Variants in ADAM17 observed in about 807,000 individuals in gnomAD.
ADAM17 encodes ADAM metallopeptidase domain 17.
Under a neutral mutation model 96.7 loss-of-function variants are expected in ADAM17, and 39 were observed. The observed-to-expected ratio is 0.40, with a 90% CI of 0.31 to 0.53. ADAM17 has a LOEUF of 0.53. ADAM17 is among the 20% of genes least tolerant of loss of function. The probability of loss-of-function intolerance (pLI) is 0.44; values close to 1 mark genes in which losing one functional copy is unlikely to be tolerated. For synonymous variants in ADAM17, 344 were observed against 359.2 expected (o/e 0.96, Z 0.48); for missense variants, 777 against 1,013.2 (o/e 0.77, Z 3.17).
intron 11 of ADAM17, chr2:9,505,662 T>G (rs1663344697): frequency 5.4e-6 from 2 of 370,616 alleles, no homozygotes; most frequent in South Asian, 5.0e-5. Context: ...AAAGCCCACT[T>G]AAGGACAAGC....
At position 9,502,161 on chromosome 2, in the gene ADAM17, A is replaced by G; in HGVS notation, c.1648+12T>C. 6.2e-7 allele frequency: 1 copy of G among 1,610,534 alleles called. No individual in the cohort carries two copies. The highest frequency in any genetic ancestry group is 2.2e-5 in the East Asian group (1 of 44,868). Reference sequence around the variant, plus strand: ...ACCCACAGCATTCCAAGGAAGCAACAAGAACACGAACCTGTGCAGTAGGAC... The same window carrying G: ...ACCCACAGCATTCCAAGGAAGCAACGAGAACACGAACCTGTGCAGTAGGAC... On this transcript the variant is annotated intron_variant, in intron 13 of 18. Coordinates refer to ENST00000310823, the MANE Select transcript of ADAM17 (RefSeq NM_003183.6).
Position 9,490,047 on chromosome 2 carries a change from A to C in ADAM17, c.*130T>G. On this transcript the variant is annotated 3_prime_UTR_variant, in exon 19 of 19. Coordinates refer to ENST00000310823, the MANE Select transcript of ADAM17 (RefSeq NM_003183.6). ...CACACAAGAACTGTTTACCTGCAGG[A>C]AGTTCAAACACATGACCAGCATCTG... The C allele has an allele frequency of 1.2e-6, 1 of 835,694 alleles. No homozygotes were observed. The highest frequency in any genetic ancestry group is 1.8e-6 in the Non-Finnish European group (1 of 554,020). The allele number at this position is 835,694 out of a possible 1,614,324, so 51.8% of individuals were successfully genotyped here.
intron 1 of ADAM17, among the ~76,000 whole-genome samples, chr2:9,551,483 G>A (rs1665588854): frequency 6.6e-6 from 1 of 152,070 alleles, no homozygotes; most frequent in Non-Finnish European, 1.5e-5. Flanking sequence ...ACTTTGAGAT[G>A]GAGTCTTGCT....
intron 10 of ADAM17, among the ~76,000 whole-genome samples, chr2:9,514,512 AATATAAATATATAT>A (rs1379397850): frequency 3.4e-5 from 3 of 89,240 alleles, no homozygotes; most frequent in Non-Finnish European, 6.4e-5. Context: ...TTAAATTTAA[AATATAAATATATAT>A]ATATATATAT....
chr2:9,554,896 C>G (rs1271523944), intron 1 of ADAM17, among the ~76,000 whole-genome samples: 1 of 152,110 alleles, frequency 6.6e-6, no homozygotes, highest in Non-Finnish European at 1.5e-5. Flanking sequence ...GTTGGCTTAC[C>G]AGGTTTCCGC....
rs998830305 is a variant in ADAM17, at chr2:9,538,433, C to T, written c.231-1605G>A. Among the ~76,000 whole-genome samples, 9 of 152,138 alleles carry T rather than the reference C, an allele frequency of 5.9e-5. No homozygotes were observed. The South Asian group carries it at 6.2e-4, about 10-fold the overall frequency. On this transcript the variant is annotated intron_variant, in intron 2 of 18. Transcript: ENST00000310823. ...TTTTTTAATGGTCAAAGGGAAAAGA[C>T]AATAGAACATTATTTCGTAAATCCT...
intron 1 of ADAM17, among the ~76,000 whole-genome samples, chr2:9,550,355 G>A (rs1665546281): frequency 6.6e-6 from 1 of 151,046 alleles, no homozygotes. Context: ...CAGGATGCAA[G>A]TTTCAGGTTA....
At chr2:9,529,467 T>C (rs1247844035) in intron 4 of ADAM17, among the ~76,000 whole-genome samples, 1 of 150,014 alleles carries the variant, frequency 6.7e-6, no homozygotes, top group Non-Finnish European at 1.5e-5. Flanking sequence ...ATAAAAAAAT[T>C]GAAGCCACAC....
rs150353059 is a variant in ADAM17 at position 9,542,626 on chromosome 2, G to A, written c.230+527C>T. 3.5e-3 allele frequency among the ~76,000 whole-genome samples: 527 copies of A among 149,632 alleles called. 2 individuals are homozygous for A. Among genetic ancestry groups the A allele is most frequent in the African/African-American group, 0.013 (491 of 39,074 alleles). On this transcript the variant is annotated intron_variant, in intron 2 of 18. Transcript: ENST00000310823. ...ATTATGTTAGAATTTTCTAAACATC[G>A]TTACCATCATTAACACCTCTGCAAT... is the stretch of plus-strand genomic sequence containing the variant.
intron 1 of ADAM17, among the ~76,000 whole-genome samples, chr2:9,546,909 G>A (rs1558527181): frequency 6.6e-6 from 1 of 152,058 alleles, no homozygotes; most frequent in Non-Finnish European, 1.5e-5. Flanking sequence ...GGGTTTCACT[G>A]TGTTGGCCAG....
intron 10 of ADAM17, among the ~76,000 whole-genome samples, chr2:9,513,230 G>A: frequency 6.6e-6 from 1 of 152,118 alleles, no homozygotes; most frequent in East Asian, 1.9e-4. Flanking sequence ...CCTGACCTCA[G>A]GTATCTACCC....
At position 9,518,869 on chromosome 2, in the gene ADAM17, G is replaced by T. The variant is rs142192276; in HGVS notation, c.958-622C>A. Reference sequence around the variant, plus strand: ...AAAACCTCTACCATAACCGTCCAGCGTCTCCAAGTTTAAAAAAACCTTAAT... The same window carrying T: ...AAAACCTCTACCATAACCGTCCAGCTTCTCCAAGTTTAAAAAAACCTTAAT... On this transcript the variant is annotated intron_variant, in intron 8 of 18. Transcript: ENST00000310823. Among the ~76,000 whole-genome samples the T allele has an allele frequency of 7.5e-3, 1,094 of 145,252 alleles. 7 individuals carry two copies. The highest frequency in any genetic ancestry group is 0.012 in the Non-Finnish European group (819 of 66,288).
intron 8 of ADAM17, 67 bp from the exon 9 acceptor site, chr2:9,518,314 A>G: frequency 6.9e-7 from 1 of 1,439,492 alleles, no homozygotes; most frequent in Non-Finnish European, 9.2e-7. Flanking sequence ...ATCAGACTAA[A>G]AGATGTAATC....
intron 10 of ADAM17, among the ~76,000 whole-genome samples, chr2:9,516,366 A>G (rs1191247764): frequency 6.6e-6 from 1 of 152,216 alleles, no homozygotes; most frequent in Non-Finnish European, 1.5e-5. Context: ...CGAAGATTAT[A>G]GGAATGAGCC....
intron 11 of ADAM17, 43 bp downstream of exon 11, chr2:9,509,936 G>A: frequency 6.2e-7 from 1 of 1,607,030 alleles, no homozygotes; most frequent in East Asian, 2.2e-5. Flanking sequence ...ATTATACACA[G>A]CCTCTTTCCA....
intron 2 of ADAM17, among the ~76,000 whole-genome samples, chr2:9,539,265 G>A (rs1034935690): frequency 6.6e-6 from 1 of 151,850 alleles, no homozygotes; most frequent in East Asian, 1.9e-4. Flanking sequence ...CTGCTACCAC[G>A]CCTGGCTAAT....
chr2:9,510,021 G>C lies in ADAM17; in HGVS notation c.1302C>G (p.Val434=). The change falls in exon 11 of 19, where the codon GTC becomes GTG. Residue 434 remains valine (V), a synonymous_variant. Coordinates refer to ENST00000310823, the MANE Select transcript of ADAM17 (RefSeq NM_003183.6). The stretch of plus-strand genomic sequence containing the variant: ...CGCCACTCACAGCTATGGGATACAT[G>C]ACATATTTCCCTCCCTGGTCCTCAT... ...APNEDQGGKY[V]MYPIAVSGDH... 2 of 1,614,116 alleles carry C rather than the reference G, an allele frequency of 1.2e-6. No homozygotes were observed. Among genetic ancestry groups the C allele is most frequent in the East Asian group, 4.5e-5 (2 of 44,884 alleles).
At chr2:9,540,707 T>G (rs1665173306) in intron 2 of ADAM17, among the ~76,000 whole-genome samples, 1 of 152,136 alleles carries the variant, frequency 6.6e-6, no homozygotes, top group African/African-American at 2.4e-5. Context: ...TACAATTCAG[T>G]AGTTAGAAAG....
intron 1 of ADAM17, among the ~76,000 whole-genome samples, chr2:9,552,264 T>C (rs528828244): frequency 6.6e-6 from 1 of 152,304 alleles, no homozygotes; most frequent in African/African-American, 2.4e-5. Context: ...AAACCTATAT[T>C]TAATGTTCTA....
Sources: allele counts gnomAD v4.1 joint callset (sites outside exome capture counted in the v4.1 genomes callset), GRCh38; gene constraint gnomAD v4.1.1; transcripts MANE v1.5; gene names NCBI Gene and HGNC (gene_info 2026-07-23, HGNC 2026-07-21).